ZNF726: variants seen among roughly 807,000 people sequenced by gnomAD.
The protein encoded by ZNF726 is zinc finger protein 726.
A neutral mutation model predicts 11.6 loss-of-function variants in ZNF726; 15 were observed. The observed-to-expected ratio is 1.29, with a 90% confidence interval of 0.86 to 1.99. The LOEUF is 1.99. ZNF726 is among the 30% of genes most tolerant of loss of function. ZNF726 has a pLI of 0.00. For missense variants in ZNF726, 890 were observed against 725.6 expected (o/e 1.23, Z -2.60); for synonymous variants, 295 against 243.6 (o/e 1.21, Z -1.96).
In ZNF726 at chr19:23,914,938, C is replaced by G. The variant is rs1259281172; in HGVS notation, c.-57C>G. 59 of 1,612,216 alleles carry G rather than the reference C, an allele frequency of 3.7e-5. No individual in the cohort carries two copies. Among genetic ancestry groups the G allele is most frequent in the Non-Finnish European group, 6.8e-6 (8 of 1,179,658 alleles). ...TCTCGTCCTCACTACTCTGTGTCTT[C>G]TGCTTTTAGGGGCGCAGCCTCTGTG... On this transcript the variant is annotated 5_prime_UTR_variant, in exon 1 of 4. Transcript: ENST00000594466.
rs1967658534 is a variant in ZNF726, at chr19:23,914,943, T to C, written c.-52T>C. On this transcript the variant is annotated 5_prime_UTR_variant, in exon 1 of 4. Coordinates refer to ENST00000594466, the MANE Select transcript of ZNF726 (RefSeq NM_001244038.2). ...TCCTCACTACTCTGTGTCTTCTGCT[T>C]TTAGGGGCGCAGCCTCTGTGGCCCT... The C allele has an allele frequency of 1.9e-6, 3 of 1,612,674 alleles. No individual in the cohort carries two copies. The East Asian group carries it at 6.7e-5, about 36-fold the overall frequency.
chr19:23,919,269 A>G, intron 1 of ZNF726, 104 bp from the exon 2 acceptor site: 1 of 1,522,832 alleles, frequency 6.6e-7, no homozygotes, highest in Non-Finnish European at 8.9e-7. Flanking sequence ...TCCCTCTTAT[A>G]AGTTAGAATC....
intron 1 of ZNF726, among the ~76,000 whole-genome samples, chr19:23,916,978 T>A (rs1967716636): frequency 3.9e-5 from 6 of 152,072 alleles, no homozygotes. Flanking sequence ...TAAGACAGAG[T>A]TTCCCTCTGT....
At chr19:23,942,878 G>T (rs914946501) in intron 3 of ZNF726, among the ~76,000 whole-genome samples, 1 of 152,210 alleles carries the variant, frequency 6.6e-6, no homozygotes, top group African/African-American at 2.4e-5. Context: ...ACAGCAGATA[G>T]TTGGTGAGTT....
intron 3 of ZNF726, among the ~76,000 whole-genome samples, chr19:23,941,896 A>G (rs1203120816): frequency 6.6e-6 from 1 of 151,904 alleles, no homozygotes; most frequent in Admixed American, 6.6e-5. Flanking sequence ...TGGCCTATCA[A>G]TTTTATTTAT....
intron 3 of ZNF726, among the ~76,000 whole-genome samples, chr19:23,927,389 A>G (rs1328194497): frequency 1.3e-5 from 2 of 152,300 alleles, no homozygotes; most frequent in South Asian, 4.1e-4. Context: ...ATATTTTTAT[A>G]TTGTTCAGTT....
intron 3 of ZNF726, among the ~76,000 whole-genome samples, chr19:23,931,507 GTTTC>G (rs1368771878): frequency 4.0e-5 from 6 of 151,646 alleles, no homozygotes; most frequent in East Asian, 1.9e-4. Context: ...TTTTTTTATG[GTTTC>G]TTTCAGAAAA....
At position 23,933,918 on chromosome 19, in the gene ZNF726, C is replaced by A; in HGVS notation, c.1802C>A (p.Ser601Ter). The A allele has an allele frequency of 6.3e-7, 1 of 1,586,182 alleles. No individual in the cohort carries two copies. Among genetic ancestry groups the A allele is most frequent in the South Asian group, 1.1e-5 (1 of 88,324 alleles). ...KPYKCDECGKSFIWSSTLFKH... is the reference protein window; with the variant it reads ...KPYKCDECGK Reference sequence around the variant, plus strand: ...TACAAGTGTGACGAATGTGGCAAATCATTTATCTGGTCCTCAACCCTTTTT... The same window carrying A: ...TACAAGTGTGACGAATGTGGCAAATAATTTATCTGGTCCTCAACCCTTTTT... Residue 601 changes from serine to a stop codon, truncating the protein, a stop_gained, in exon 4 of 4, where the codon TCA becomes TAA. Transcript: ENST00000594466. LOFTEE classifies it low-confidence loss of function (END_TRUNC).
chr19:23,923,601 G>A (rs756743068), intron 3 of ZNF726: 17 of 185,720 alleles, frequency 9.2e-5, no homozygotes, highest in Middle Eastern at 2.3e-3. Context: ...TAGTAGAAAC[G>A]GGGTTTCACC....
intron 3 of ZNF726, among the ~76,000 whole-genome samples, chr19:23,923,246 C>T (rs1364574858): frequency 6.6e-6 from 1 of 151,918 alleles, no homozygotes; most frequent in Non-Finnish European, 1.5e-5. Flanking sequence ...ACTTGGATTA[C>T]AGTAGTTTTA....
At position 23,933,703 on chromosome 19, in the gene ZNF726, G is replaced by A. The variant is rs1218957631; in HGVS notation, c.1587G>A (p.Arg529=). 2 of 1,611,382 alleles carry A rather than the reference G, an allele frequency of 1.2e-6. No individual in the cohort carries two copies. Among genetic ancestry groups the A allele is most frequent in the Admixed American group, 1.7e-5 (1 of 59,890 alleles). ...CCTCGACCCTATCTAAACATAAGAG[G>A]ATTCACACTGGAGAGAAACCCTACA... The part of the protein sequence containing the change: ...ILSSTLSKHK[R]IHTGEKPYKC... Residue 529 remains arginine, a synonymous_variant, in exon 4 of 4, where the codon AGG becomes AGA. Transcript: ENST00000594466.
intron 3 of ZNF726, among the ~76,000 whole-genome samples, chr19:23,926,570 A>G (rs76599931): frequency 3.7e-5 from 1 of 26,800 alleles, no homozygotes; most frequent in African/African-American, 1.8e-4. Flanking sequence ...ACTCTGTTCC[A>G]AAAAAAAAAA....
chr19:23,924,552 AAACAT>A (rs1243619046), intron 3 of ZNF726, among the ~76,000 whole-genome samples: 1 of 152,140 alleles, frequency 6.6e-6, no homozygotes, highest in Non-Finnish European at 1.5e-5. Context: ...TGTTTTAAAA[AAACAT>A]AACATATAAT....
At chr19:23,919,266 T>C in intron 1 of ZNF726, 107 bp from the exon 2 acceptor site, 5 of 1,519,720 alleles carry the variant, frequency 3.3e-6, no homozygotes, top group Non-Finnish European at 4.4e-6. Context: ...CAGTCCCTCT[T>C]ATAAGTTAGA....
chr19:23,914,906 CTCCAGG>C lies in ZNF726; in HGVS notation c.-86_-81del. 1 of 1,583,270 alleles carries C rather than the reference CTCCAGG, an allele frequency of 6.3e-7. No homozygotes were observed. The highest frequency in any genetic ancestry group is 8.6e-7 in the Non-Finnish European group (1 of 1,161,090). Reference sequence around the variant, plus strand: ...CCTTTGTCTCTATCTGCGGCCGGAGCTCCAGGTCTCGTCCTCACTACTCTGTGTCTT... The same window carrying C: ...CCTTTGTCTCTATCTGCGGCCGGAGCTCTCGTCCTCACTACTCTGTGTCTT... On this transcript the variant is annotated 5_prime_UTR_variant, in exon 1 of 4. Transcript: ENST00000594466.
In ZNF726 at chr19:23,932,343, G is replaced by A. The variant is rs780030674; in HGVS notation, c.227G>A (p.Gly76Asp). The A allele has an allele frequency of 2.2e-6, 3 of 1,389,674 alleles. No individual in the cohort carries two copies. The allele number at this position is 1,389,674 out of a possible 1,614,324, so 86.1% of individuals were successfully genotyped here. A position where few individuals can be genotyped will look rare whatever the true frequency, so the allele number is the denominator to read the frequency against. ...GTAAATTATTTTAATTTTTTTTTAGGTATATGTCCTCATTTTGCTCAAGAC... is the reference window on the plus strand; with the variant it reads ...GTAAATTATTTTAATTTTTTTTTAGATATATGTCCTCATTTTGCTCAAGAC... Reference protein sequence around the residue: ...KRDEMVDEPPGICPHFAQDIW... With the variant: ...KRDEMVDEPPDICPHFAQDIW... Residue 76 changes from glycine (G) to aspartate (D), a missense_variant and splice_region_variant, in exon 4 of 4, where the codon GGT becomes GAT. Gly to Asp is a moderately conservative substitution (Grantham distance 94). Transcript: ENST00000594466.
intron 1 of ZNF726, among the ~76,000 whole-genome samples, chr19:23,915,861 C>T (rs1054044441): frequency 6.6e-6 from 1 of 152,038 alleles, no homozygotes; most frequent in Non-Finnish European, 1.5e-5. Context: ...GGATTACAGG[C>T]GTGAGCCACT....
At chr19:23,925,675 A>T (rs545706308) in intron 3 of ZNF726, among the ~76,000 whole-genome samples, 1 of 150,942 alleles carries the variant, frequency 6.6e-6, no homozygotes, top group South Asian at 2.1e-4. Context: ...TCTATTTCTA[A>T]ATAAAGTTAT....
intron 3 of ZNF726, among the ~76,000 whole-genome samples, chr19:23,931,686 A>C (rs1189411676): frequency 6.6e-6 from 1 of 152,200 alleles, no homozygotes. Flanking sequence ...GCAGTTTTTC[A>C]AACATATTCT....
Sources: allele counts gnomAD v4.1 joint callset (sites outside exome capture counted in the v4.1 genomes callset), GRCh38; gene constraint gnomAD v4.1.1; transcripts MANE v1.5; gene names NCBI Gene and HGNC (gene_info 2026-07-23, HGNC 2026-07-21).